Variants in CEP164 observed in about 807,000 individuals in gnomAD.
CEP164 encodes centrosomal protein of 164 kDa.
CEP164 carries 162 observed loss-of-function variants against 182.7 expected under a neutral mutation model. That is an observed-to-expected ratio of 0.89 (90% CI 0.78 to 1.01). CEP164 has a LOEUF of 1.01. CEP164 is among the 50% of genes least tolerant of loss of function. CEP164 has a pLI of 0.00. For missense variants in CEP164, 1,735 were observed against 1,790.4 expected, an observed-to-expected ratio of 0.97 and a Z score of 0.56; for synonymous variants, 661 against 690.0, an observed-to-expected ratio of 0.96 and a Z score of 0.66.
chr11:117,411,954 G>A lies in CEP164; in HGVS notation c.4286+37G>A, dbSNP rs200574029. The A allele has an allele frequency of 1.9e-6, 3 of 1,612,856 alleles. No homozygotes were observed. The Admixed American group carries it at 5.0e-5, about 27-fold the overall frequency. ...CCTGGTTCCCAAACTGGGCTGGGCTGTGGGGACTGTGCTTGTGCCCTGAGG... is the reference window on the plus strand; with the variant it reads ...CCTGGTTCCCAAACTGGGCTGGGCTATGGGGACTGTGCTTGTGCCCTGAGG... On this transcript the variant is annotated intron_variant, in intron 32 of 32. Coordinates refer to ENST00000278935, the MANE Select transcript of CEP164 (RefSeq NM_014956.5). The surrounding 1 kb of genome is among the most constrained non-coding windows in gnomAD (Gnocchi z 4.4).
At chr11:117,346,308 G>A (rs1221408396) in intron 4 of CEP164, among the ~76,000 whole-genome samples, 3 of 151,258 alleles carry the variant, frequency 2.0e-5, no homozygotes, top group African/African-American at 2.4e-5. Context: ...TTGCTCTGTC[G>A]CCCAGGCTGG....
intron 11 of CEP164, among the ~76,000 whole-genome samples, chr11:117,380,205 C>A (rs932339114): frequency 2.6e-5 from 4 of 152,172 alleles, no homozygotes; most frequent in African/African-American, 9.7e-5. Flanking sequence ...GCTTGTCATT[C>A]ACTGGCACTG....
At chr11:117,399,309 G>T (rs1434369194) in intron 27 of CEP164, among the ~76,000 whole-genome samples, 1 of 152,174 alleles carries the variant, frequency 6.6e-6, no homozygotes, top group Non-Finnish European at 1.5e-5. Flanking sequence ...CAAAGGACAT[G>T]AACTCATCCT....
chr11:117,408,506 C>T (rs1220705269), intron 28 of CEP164: 1 of 282,402 alleles, frequency 3.5e-6, no homozygotes, highest in African/African-American at 2.2e-5. Flanking sequence ...GACCTGATGG[C>T]ACTGTTGTCT....
At chr11:117,397,424 A>G (rs2045623636) in intron 27 of CEP164, 111 bp downstream of exon 27, 5 of 1,001,934 alleles carry the variant, frequency 5.0e-6, no homozygotes, top group Non-Finnish European at 5.8e-6. Context: ...ACTCCATGAG[A>G]GTGGCCACCT....
intron 2 of CEP164, chr11:117,336,249 C>T: frequency 1.9e-6 from 3 of 1,588,272 alleles, no homozygotes; most frequent in Non-Finnish European, 2.6e-6. Context: ...AGGAGGAATG[C>T]TTGCCATGCT....
At chr11:117,404,470 T>G (rs2046457550) in intron 27 of CEP164, among the ~76,000 whole-genome samples, 1 of 152,218 alleles carries the variant, frequency 6.6e-6, no homozygotes, top group Non-Finnish European at 1.5e-5. Flanking sequence ...TGCTTGGATA[T>G]CACCAGCGGA....
intron 4 of CEP164, 107 bp from the exon 5 acceptor site, chr11:117,351,683 T>C (rs756637823): frequency 1.1e-5 from 11 of 1,007,886 alleles, no homozygotes; most frequent in African/African-American, 3.2e-5. Flanking sequence ...CACCCCACTC[T>C]CTTCCTCCTC....
At chr11:117,336,521 G>T (rs2037145046) in intron 2 of CEP164, 20 of 1,531,426 alleles carry the variant, frequency 1.3e-5, no homozygotes, top group Non-Finnish European at 1.7e-5. Flanking sequence ...CAGGGGCCTG[G>T]GGGAAAGGGT....
rs768170842 is a variant in CEP164, at chr11:117,397,217, G to GA, written c.3405_3406insA (p.Gln1136ThrfsTer6). On this transcript the variant is annotated frameshift_variant, in exon 27 of 33. Coordinates refer to ENST00000278935, the MANE Select transcript of CEP164 (RefSeq NM_014956.5). LOFTEE classifies it high-confidence loss of function. ...GGCAGACAGCTCTGAAAGCTGCCCA[G>GA]CAGCATTGGCGCCATGAGCTGGCCA... is the stretch of plus-strand genomic sequence containing the variant. 5 of 1,614,262 alleles carry GA rather than the reference G, an allele frequency of 3.1e-6. No homozygotes were observed. Among genetic ancestry groups the GA allele is most frequent in the Non-Finnish European group, 1.7e-6 (2 of 1,180,052 alleles).
In CEP164 at chr11:117,408,943, C is replaced by T. The variant is rs150819563; in HGVS notation, c.3663C>T (p.Phe1221=). 53 of 1,614,004 alleles carry T rather than the reference C, an allele frequency of 3.3e-5. No individual in the cohort carries two copies. The highest frequency in any genetic ancestry group is 4.4e-5 in the South Asian group (4 of 91,064). ...CCCCCACCAAGAAGGCAGTAACCTT[C>T]GACCTCAGTGACATGGACAGCCTGA... ...GGSPTKKAVT[F]DLSDMDSLSS... Residue 1221 remains phenylalanine (F), a synonymous_variant, in exon 29 of 33, where the codon TTC becomes TTT. Transcript: ENST00000278935.
At chr11:117,410,013 C>T (rs1307520529) in intron 30 of CEP164, 48 bp downstream of exon 30, 29 of 1,507,880 alleles carry the variant, frequency 1.9e-5, no homozygotes, top group Non-Finnish European at 2.7e-5. Context: ...CCTCCTCCTC[C>T]TCTTCCTTCC....
chr11:117,405,382 C>T (rs1223962638), intron 27 of CEP164, among the ~76,000 whole-genome samples: 2 of 152,112 alleles, frequency 1.3e-5, no homozygotes, highest in Non-Finnish European at 2.9e-5. Context: ...CACAGTCCCT[C>T]GTGTCTTCCC....
intron 7 of CEP164, 120 bp downstream of exon 7, chr11:117,362,658 TA>T: frequency 8.8e-7 from 1 of 1,137,240 alleles, no homozygotes; most frequent in East Asian, 2.5e-5. Context: ...TTAACCATTT[TA>T]AAGTTAAAAT....
chr11:117,393,168 C>T, intron 20 of CEP164, 42 bp downstream of exon 20: 1 of 1,597,400 alleles, frequency 6.3e-7, no homozygotes, highest in Non-Finnish European at 8.5e-7. Flanking sequence ...CACACATGCA[C>T]ACACACATGC....
chr11:117,382,918 C>T lies in CEP164; in HGVS notation c.1700C>T (p.Pro567Leu), dbSNP rs1470761164. ...EDPEEKVAVS[P>L]TPPVSPEVRS... ...CCTGAGGAGAAGGTGGCGGTCAGCC[C>T]CACCCCGCCAGTCTCTCCAGAGGTG... The change falls in exon 14 of 33, where the codon CCC becomes CTC. Residue 567 changes from proline to leucine, a missense_variant. Transcript: ENST00000278935. 1.9e-6 allele frequency: 3 copies of T among 1,605,204 alleles called. No individual in the cohort carries two copies. The African/African-American group carries it at 4.0e-5, about 21-fold the overall frequency.
At chr11:117,402,225 CTTT>C (rs760678070) in intron 27 of CEP164, among the ~76,000 whole-genome samples, 2 of 141,188 alleles carry the variant, frequency 1.4e-5, no homozygotes, top group East Asian at 2.0e-4. Flanking sequence ...CTTTTCTTGT[CTTT>C]TTTTTTTTTT....
At position 117,410,878 on chromosome 11, in the gene CEP164, G is replaced by C; in HGVS notation, c.4147G>C (p.Gly1383Arg). The C allele has an allele frequency of 6.2e-7, 1 of 1,613,192 alleles. No homozygotes were observed. The highest frequency in any genetic ancestry group is 1.3e-5 in the African/African-American group (1 of 75,032). The part of the protein sequence containing the change: ...NSPTPLESRL[G>R]YMSASEQLRL... ...CCCCACCCCGCTGGAGAGCAGGCTG[G>C]GTTACATGTCTGCCAGGTGAGCCTC... The change falls in exon 31 of 33, where the codon GGT becomes CGT. Residue 1383 changes from glycine to arginine, a missense_variant. By Grantham distance (125) the Gly-to-Arg change is moderately radical. Transcript: ENST00000278935.
intron 28 of CEP164, 92 bp downstream of exon 28, chr11:117,408,124 G>A (rs974337138): frequency 4.0e-5 from 37 of 930,294 alleles, no homozygotes; most frequent in Non-Finnish European, 5.1e-5. Context: ...GCATCCGGGG[G>A]AGTTGGGCCT....
Sources: allele counts gnomAD v4.1 joint callset (sites outside exome capture counted in the v4.1 genomes callset), GRCh38; gene constraint gnomAD v4.1.1; non-coding constraint Gnocchi (gnomAD v3.1); transcripts MANE v1.5; gene names NCBI Gene and HGNC (gene_info 2026-07-23, HGNC 2026-07-21).